Variants in ELOVL6 observed in about 807,000 individuals in gnomAD.
The protein encoded by ELOVL6 is ELOVL fatty acid elongase 6, also known as very long chain fatty acid elongase 6.
ELOVL6 carries 8 observed loss-of-function variants against 31.7 expected under a neutral mutation model. The observed-to-expected ratio is 0.25, with a 90% confidence interval of 0.15 to 0.45. The LOEUF is 0.45. ELOVL6 is among the 20% of genes least tolerant of loss of function. The probability of loss-of-function intolerance (pLI) is 1.00; values close to 1 mark genes in which losing one functional copy is unlikely to be tolerated. For synonymous variants in ELOVL6, 101 were observed against 117.7 expected (o/e 0.86, Z 0.92); for missense variants, 126 against 326.4 (o/e 0.39, Z 4.73).
chr4:110,150,479 G>A (rs1251738990), intron 1 of ELOVL6, among the ~76,000 whole-genome samples: 1 of 151,890 alleles, frequency 6.6e-6, no homozygotes, highest in Non-Finnish European at 1.5e-5. Flanking sequence ...CTGGCAAAAG[G>A]GAATCTCAAA....
chr4:110,165,821 T>C (rs1206195653), intron 1 of ELOVL6, among the ~76,000 whole-genome samples: 1 of 152,206 alleles, frequency 6.6e-6, no homozygotes, highest in Admixed American at 6.5e-5. Context: ...CATTTACCCA[T>C]GCATTGGAGT....
At chr4:110,080,394 T>C (rs554881483) in intron 2 of ELOVL6, among the ~76,000 whole-genome samples, 37 of 152,270 alleles carry the variant, frequency 2.4e-4, no homozygotes, top group African/African-American at 8.2e-4. Context: ...TTAAACACCA[T>C]GATCAAGTGG....
intron 1 of ELOVL6, among the ~76,000 whole-genome samples, chr4:110,157,208 C>A (rs1286210128): frequency 6.6e-6 from 1 of 152,112 alleles, no homozygotes; most frequent in East Asian, 1.9e-4. Flanking sequence ...CATTTGTTCC[C>A]TCTATAATTT....
At chr4:110,094,466 T>C (rs1756522740) in intron 2 of ELOVL6, among the ~76,000 whole-genome samples, 1 of 127,018 alleles carries the variant, frequency 7.9e-6, no homozygotes, top group Non-Finnish European at 1.7e-5. Context: ...TAATATATAT[T>C]ACATATAAAA....
intron 2 of ELOVL6, among the ~76,000 whole-genome samples, chr4:110,081,876 A>T (rs369410181): frequency 6.6e-6 from 1 of 150,484 alleles, no homozygotes; most frequent in Non-Finnish European, 1.5e-5. Context: ...GAATCTACAA[A>T]GAACTCAAAC....
At chr4:110,144,392 C>T (rs1292952999) in intron 1 of ELOVL6, among the ~76,000 whole-genome samples, 1 of 152,230 alleles carries the variant, frequency 6.6e-6, no homozygotes, top group Admixed American at 6.5e-5. Flanking sequence ...CCCATGCTTA[C>T]AGTATATTCA....
intron 1 of ELOVL6, among the ~76,000 whole-genome samples, chr4:110,126,924 C>A (rs1029164207): frequency 6.6e-6 from 1 of 151,232 alleles, no homozygotes; most frequent in East Asian, 1.9e-4. Context: ...ACATGCATAT[C>A]AAAATTAATT....
Position 110,090,596 on chromosome 4 carries a change from C to CTTCCTTTT in ELOVL6, c.221+14900_221+14901insAAAAGGAA, listed in dbSNP as rs1206850406. ...TCCAGGAACTTACAGGAAAGTTTGA[C>CTTCCTTTT]TTTCTTTTTTTTTTTTTTTTTTTTC... is the stretch of plus-strand genomic sequence containing the variant. On this transcript the variant is annotated intron_variant, in intron 2 of 3. Transcript: ENST00000302274. Among the ~76,000 whole-genome samples, 232 of 82,536 alleles carry CTTCCTTTT rather than the reference C, an allele frequency of 2.8e-3. 2 individuals are homozygous for CTTCCTTTT. Among genetic ancestry groups the CTTCCTTTT allele is most frequent in the African/African-American group, 0.014 (196 of 13,714 alleles). The allele number at this position is 82,536 out of a possible 152,430, so 54.1% of individuals were successfully genotyped here.
rs1378479403 is a variant in ELOVL6, at chr4:110,105,619, A to G, written c.99T>C (p.Ser33=). The G allele has an allele frequency of 5.0e-6, 8 of 1,608,842 alleles. No individual in the cohort carries two copies. In the Admixed American group the frequency reaches 5.1e-5, roughly 10 times the overall value. The change falls in exon 2 of 4, where the codon TCT becomes TCC. Residue 33 remains serine (S), a synonymous_variant. Transcript: ENST00000302274. ...IQWMQENWKK[S]FLFSALYAAF... The stretch of plus-strand genomic sequence containing the variant: ...CAGCATACAGAGCAGAAAACAGGAA[A>G]GATTTCTTCCTGCAAACAAGCAAAC...
At chr4:110,182,250 A>T (rs1242945678) in intron 1 of ELOVL6, among the ~76,000 whole-genome samples, 1 of 152,212 alleles carries the variant, frequency 6.6e-6, no homozygotes, top group Admixed American at 6.5e-5. Context: ...CTATTAAAAA[A>T]ATCAAATTAT....
chr4:110,093,739 C>T (rs1756486273), intron 2 of ELOVL6, among the ~76,000 whole-genome samples: 1 of 152,112 alleles, frequency 6.6e-6, no homozygotes. Context: ...TCACTGCCCT[C>T]ATGGAACATA....
chr4:110,090,600 C>CTTTTTTTTTTTTTTTTTTTTTTTTTTT (rs544234717), intron 2 of ELOVL6, among the ~76,000 whole-genome samples: 1 of 103,714 alleles, frequency 9.6e-6, no homozygotes, highest in Non-Finnish European at 1.8e-5. Flanking sequence ...GTTTGACTTT[C>CTTTTTTTTTTTTTTTTTTTTTTTTTTT]TTTTTTTTTT....
At chr4:110,197,836 G>A (rs1759856851) in intron 1 of ELOVL6, 1 of 233,444 alleles carries the variant, frequency 4.3e-6, no homozygotes, top group Non-Finnish European at 8.5e-6. Flanking sequence ...TCCCTCCACT[G>A]CCTTTCACAC....
chr4:110,084,211 C>G, intron 2 of ELOVL6, among the ~76,000 whole-genome samples: 1 of 56,942 alleles, frequency 1.8e-5, no homozygotes, highest in South Asian at 5.3e-4. Context: ...ATATATATAA[C>G]ATATAACTTA....
chr4:110,084,376 G>GC (rs1756117772), intron 2 of ELOVL6, among the ~76,000 whole-genome samples: 1 of 40,536 alleles, frequency 2.5e-5, no homozygotes, highest in African/African-American at 9.1e-5. Flanking sequence ...TATGATATAT[G>GC]ATATATATCG....
At chr4:110,126,332 C>T (rs373128549) in intron 1 of ELOVL6, among the ~76,000 whole-genome samples, 10 of 152,126 alleles carry the variant, frequency 6.6e-5, no homozygotes, top group Admixed American at 6.6e-4. Flanking sequence ...AGGCATGAGT[C>T]GCTGCACCCA....
intron 2 of ELOVL6, among the ~76,000 whole-genome samples, chr4:110,061,354 T>C (rs1755131968): frequency 1.3e-5 from 2 of 152,138 alleles, no homozygotes; most frequent in African/African-American, 4.8e-5. Flanking sequence ...CCCCTGTTCA[T>C]AACAAAACTG....
At chr4:110,060,341 G>T (rs754586118) in intron 2 of ELOVL6, among the ~76,000 whole-genome samples, 11 of 152,066 alleles carry the variant, frequency 7.2e-5, no homozygotes, top group Non-Finnish European at 1.2e-4. Context: ...CAAAAGCTTA[G>T]CTCTGTCACC....
chr4:110,158,694 CTT>C (rs1758546154), intron 1 of ELOVL6, among the ~76,000 whole-genome samples: 2 of 93,222 alleles, frequency 2.1e-5, no homozygotes, highest in African/African-American at 4.3e-5. Context: ...GAATTTCGCT[CTT>C]GTTGCCCAGG....
Sources: allele counts gnomAD v4.1 joint callset (sites outside exome capture counted in the v4.1 genomes callset), GRCh38; gene constraint gnomAD v4.1.1; transcripts MANE v1.5; gene names NCBI Gene and HGNC (gene_info 2026-07-23, HGNC 2026-07-21).